The following FLT1 variants were observed in gnomAD, a reference collection of about 807,000 sequenced individuals.
The protein encoded by FLT1 is vascular endothelial growth factor receptor 1.
A neutral mutation model predicts 156.3 loss-of-function variants in FLT1; 49 were observed. The ratio of observed to expected loss-of-function variants is 0.31; its 90% confidence interval spans 0.25 to 0.40. FLT1 has a LOEUF of 0.40. FLT1 is among the 10% of genes least tolerant of loss of function. FLT1 has a pLI of 1.00. For missense variants in FLT1, 1,322 were observed against 1,637.2 expected (o/e 0.81, Z 3.32); for synonymous variants, 594 against 583.8 (o/e 1.02, Z -0.25).
chr13:28,490,174 T>C (rs1881390845), intron 1 of FLT1, among the ~76,000 whole-genome samples: 2 of 152,058 alleles, frequency 1.3e-5, no homozygotes, highest in Non-Finnish European at 2.9e-5. Flanking sequence ...CTGGCATGAG[T>C]AGATTGGGTC....
chr13:28,356,410 C>A lies in FLT1; in HGVS notation c.2248+1144G>T, dbSNP rs60791534. ...TGCTAATAAATTGTTTCTGTATGAG[C>A]GAGCAGAAAAGTGAACATAATATTT... On this transcript the variant is annotated intron_variant, in intron 15 of 29. Transcript: ENST00000282397. Among the ~76,000 whole-genome samples, 277 of 152,188 alleles carry A rather than the reference C, an allele frequency of 1.8e-3. 2 individuals carry two copies. Among genetic ancestry groups the A allele is most frequent in the African/African-American group, 6.3e-3 (261 of 41,514 alleles).
intron 10 of FLT1, among the ~76,000 whole-genome samples, chr13:28,420,499 T>C (rs1463018269): frequency 6.6e-6 from 1 of 152,178 alleles, no homozygotes; most frequent in Non-Finnish European, 1.5e-5. Context: ...TTAGGAAGAA[T>C]GTGATCAATA....
Position 28,427,815 on chromosome 13 carries a change from T to G in FLT1, c.1213A>C (p.Ile405Leu). The G allele has an allele frequency of 6.2e-7, 1 of 1,613,954 alleles. No individual in the cohort carries two copies. The change falls in exon 9 of 30, where the codon ATC becomes CTC. Residue 405 changes from isoleucine (I) to leucine (L), a missense_variant. Ile to Leu is a conservative substitution (Grantham distance 5, BLOSUM62 2). Transcript: ENST00000282397. ...TTTGACTGTTTTATGCTCAGCAAGA[T>G]TGTATAATTCCCTGCATCCTCTTCA... ...VTEEDAGNYT[I>L]LLSIKQSNVF... is the part of the protein sequence containing the mutation.
chr13:28,433,966 AAG>A lies in FLT1; in HGVS notation c.677-13_677-12del. The A allele has an allele frequency of 1.2e-6, 2 of 1,614,150 alleles. No individual in the cohort carries two copies. The highest frequency in any genetic ancestry group is 8.5e-7 in the Non-Finnish European group (1 of 1,179,982). ...CTATGATTGTATTGGCTGCAAGCATAAGAGAGAAATTTTTTAAAATTAAGATT... is the reference window on the plus strand; with the variant it reads ...CTATGATTGTATTGGCTGCAAGCATAAGAGAAATTTTTTAAAATTAAGATT... On this transcript the variant is annotated splice_polypyrimidine_tract_variant and intron_variant, in intron 5 of 29. Coordinates refer to ENST00000282397, the MANE Select transcript of FLT1 (RefSeq NM_002019.4).
intron 11 of FLT1, 73 bp downstream of exon 11, chr13:28,405,707 A>C: frequency 2.2e-6 from 2 of 896,338 alleles, no homozygotes. Flanking sequence ...TCTGGTGCCA[A>C]TAAACCTAGA....
chr13:28,341,527 C>A (rs1474312014), intron 16 of FLT1, among the ~76,000 whole-genome samples: 2 of 152,152 alleles, frequency 1.3e-5, no homozygotes, highest in South Asian at 4.1e-4. Flanking sequence ...ATGAAATAAT[C>A]CATGGAAAGC....
At chr13:28,315,076 C>T (rs1871145964) in intron 25 of FLT1, among the ~76,000 whole-genome samples, 1 of 152,150 alleles carries the variant, frequency 6.6e-6, no homozygotes. Flanking sequence ...TCGCTTATTA[C>T]CAACGCAGGC....
chr13:28,352,817 A>G (rs1375494495), intron 15 of FLT1, among the ~76,000 whole-genome samples: 6 of 152,196 alleles, frequency 3.9e-5, no homozygotes, highest in Admixed American at 3.9e-4. Flanking sequence ...CAGGATAGTC[A>G]TAGGAGTGAA....
intron 3 of FLT1, among the ~76,000 whole-genome samples, chr13:28,452,685 T>A (rs1376304507): frequency 6.6e-6 from 1 of 152,172 alleles, no homozygotes; most frequent in African/African-American, 2.4e-5. Context: ...CTTTTTCACA[T>A]AAGAGAACTT....
intron 10 of FLT1, among the ~76,000 whole-genome samples, chr13:28,415,459 C>T (rs1308943807): frequency 1.3e-5 from 2 of 152,052 alleles, no homozygotes; most frequent in Non-Finnish European, 2.9e-5. Context: ...CCAGCCTGGG[C>T]AACAACAGCA....
At chr13:28,485,605 G>A (rs116934307) in intron 1 of FLT1, among the ~76,000 whole-genome samples, 2 of 152,280 alleles carry the variant, frequency 1.3e-5, no homozygotes, top group Non-Finnish European at 2.9e-5. Context: ...CAAACATGAA[G>A]TGTTACACAA....
intron 10 of FLT1, among the ~76,000 whole-genome samples, chr13:28,417,654 T>C (rs192158957): frequency 1.7e-3 from 226 of 135,948 alleles, no homozygotes; most frequent in Non-Finnish European, 2.7e-3. Context: ...ATTAAATCTT[T>C]AACATTCCTT....
chr13:28,370,756 T>C (rs1333088962), intron 14 of FLT1, among the ~76,000 whole-genome samples: 1 of 152,252 alleles, frequency 6.6e-6, no homozygotes, highest in Non-Finnish European at 1.5e-5. Context: ...CATGTAAGTT[T>C]GTGCGCACAC....
At chr13:28,338,589 T>C (rs7995100) in intron 17 of FLT1, among the ~76,000 whole-genome samples, 144,162 of 152,238 alleles carry the variant, frequency 0.95, 68,577 homozygotes, top group East Asian at 1. Context: ...ACTTAAATGA[T>C]TCCCCTAGGG....
chr13:28,384,324 C>T (rs1030687546), intron 14 of FLT1, among the ~76,000 whole-genome samples: 1 of 151,806 alleles, frequency 6.6e-6, no homozygotes, highest in Non-Finnish European at 1.5e-5. Context: ...GTAGTCCCAA[C>T]TACTTGCCCA....
chr13:28,372,048 GTATATATATA>G (rs1169072431), intron 14 of FLT1, among the ~76,000 whole-genome samples: 12 of 75,590 alleles, frequency 1.6e-4, no homozygotes, highest in South Asian at 9.4e-4. Context: ...GTGTGTGTGT[GTATATATATA>G]TATATATATA....
At chr13:28,308,444 T>C (rs1477627099) in intron 28 of FLT1, 2 of 318,154 alleles carry the variant, frequency 6.3e-6, no homozygotes, top group Admixed American at 8.4e-5. Context: ...AAGGCTTAGG[T>C]GGACCCCTCC....
rs1870583689 is a variant in FLT1 at position 28,303,176 on chromosome 13, T to C, written c.4008A>G (p.Pro1336=). The change falls in exon 30 of 30, where the codon CCA becomes CCG. Residue 1336 remains proline, a synonymous_variant. Transcript: ENST00000282397. ...GGCTTCGTGTCAAACTCTAGATGGG[T>C]GGGGTGGAGTACAGGACCACCGAGT... The part of the protein sequence containing the change: ...DYNSVVLYST[P]PI The C allele has an allele frequency of 6.2e-7, 1 of 1,609,432 alleles. No homozygotes were observed. Among genetic ancestry groups the C allele is most frequent in the Non-Finnish European group, 8.5e-7 (1 of 1,179,614 alleles).
chr13:28,301,865 A>C lies in FLT1; in HGVS notation c.*1302T>G, dbSNP rs1395254792. 2.1e-5 allele frequency: 5 copies of C among 233,468 alleles called. No individual in the cohort carries two copies. The highest frequency in any genetic ancestry group is 4.2e-5 in the Non-Finnish European group (5 of 117,966). The allele number at this position is 233,468 out of a possible 1,614,324, so 14.5% of individuals were successfully genotyped here. ...TCATTAACTAATATCCTGAGTCCCA[A>C]CTGGAGAAATACCTTGCATAAATTA... On this transcript the variant is annotated 3_prime_UTR_variant, in exon 30 of 30. Transcript: ENST00000282397.
Sources: allele counts gnomAD v4.1 joint callset (sites outside exome capture counted in the v4.1 genomes callset), GRCh38; gene constraint gnomAD v4.1.1; transcripts MANE v1.5; gene names NCBI Gene and HGNC (gene_info 2026-07-23, HGNC 2026-07-21).